Variants in TACC2 observed in about 807,000 individuals in gnomAD.
TACC2 encodes transforming acidic coiled-coil containing protein 2.
In TACC2, 137 loss-of-function variants were observed where a neutral mutation model predicts 227.3. That is an observed-to-expected ratio of 0.60 (90% confidence interval 0.52 to 0.69). The LOEUF is 0.69. Ranked by LOEUF, TACC2 falls within the 30% of genes least tolerant of loss-of-function variation. The pLI is 0.00. For synonymous variants in TACC2, 1,523 were observed against 1,487.5 expected (o/e 1.02, Z -0.55); for missense variants, 3,470 against 3,694.4 (o/e 0.94, Z 1.57).
rs777605657 is a variant in TACC2, at chr10:122,086,102, GT to G, written c.3603del (p.Ile1203PhefsTer51). On this transcript the variant is annotated frameshift_variant, in exon 4 of 23. Coordinates refer to ENST00000369005, the MANE Select transcript of TACC2 (RefSeq NM_206862.4). LOFTEE classifies it high-confidence loss of function. ...QDALLPARELGGIPRSTMDFS... is the reference protein window; with the variant it reads ...QDALLPARELXGIPRSTMDFS... The stretch of plus-strand genomic sequence containing the variant: ...GCCTTGCTGCCAGCCAGAGAGCTGG[GT>G]GGGATTCCCAGGAGCACCATGGATT... 1 of 1,613,648 alleles carries G rather than the reference GT, an allele frequency of 6.2e-7. No homozygotes were observed.
intron 7 of TACC2, among the ~76,000 whole-genome samples, chr10:122,174,663 T>C (rs1209140686): frequency 6.6e-6 from 1 of 152,190 alleles, no homozygotes; most frequent in Non-Finnish European, 1.5e-5. Flanking sequence ...AATTAATGTA[T>C]TACCTCCCCT....
chr10:122,250,599 G>C (rs1297963026), intron 22 of TACC2, among the ~76,000 whole-genome samples: 1 of 152,206 alleles, frequency 6.6e-6, no homozygotes, highest in African/African-American at 2.4e-5. Flanking sequence ...GGGCCAAGCA[G>C]TGGTGATCTC....
chr10:122,213,515 G>A, intron 9 of TACC2: 1 of 812,598 alleles, frequency 1.2e-6, no homozygotes, highest in Non-Finnish European at 2.1e-6. Flanking sequence ...GAATGATGGG[G>A]CATGGGGCTC....
At position 122,192,889 on chromosome 10, in the gene TACC2, G is replaced by T. The variant is rs1428975005; in HGVS notation, c.5835-2151G>T. On this transcript the variant is annotated intron_variant, in intron 7 of 22. Transcript: ENST00000369005. The stretch of plus-strand genomic sequence containing the variant: ...AAGCTGGGTTCCCGGGGCAGCACCC[G>T]GGGCAGCACCCAGGGCTCGCCAGGC... 7.3e-6 allele frequency: 3 copies of T among 410,704 alleles called. No homozygotes were observed. In the Admixed American group the frequency reaches 7.5e-5, roughly 10 times the overall value. The allele number at this position is 410,704 out of a possible 1,614,324, so 25.4% of individuals were successfully genotyped here. A position where few individuals can be genotyped will look rare whatever the true frequency, so the allele number is the denominator to read the frequency against.
chr10:122,078,886 A>G (rs979156765), intron 3 of TACC2: 7 of 152,236 alleles, frequency 4.6e-5, no homozygotes, highest in East Asian at 1.9e-4. Context: ...TGTGTGTCCC[A>G]TACTCCATGG....
rs2095414228 is a variant in TACC2, at chr10:122,216,746, A to G, written c.7464A>G (p.Leu2488=). 6.2e-7 allele frequency: 1 copy of G among 1,614,020 alleles called. No homozygotes were observed. Among genetic ancestry groups the G allele is most frequent in the African/African-American group, 1.3e-5 (1 of 74,908 alleles). Residue 2488 remains leucine (L), a synonymous_variant, in exon 11 of 23, where the codon CTA becomes CTG. Coordinates refer to ENST00000369005, the MANE Select transcript of TACC2 (RefSeq NM_206862.4). ...NQKWTCMTVD[L]EADKQDYPQP... Reference sequence around the variant, plus strand: ...AGTGGACGTGCATGACAGTGGACCTAGAGGCTGACAAACAGGACTACCCGC... The same window carrying G: ...AGTGGACGTGCATGACAGTGGACCTGGAGGCTGACAAACAGGACTACCCGC...
At chr10:122,108,442 C>CTTTTTT (rs34097153) in intron 5 of TACC2, among the ~76,000 whole-genome samples, 114 of 90,016 alleles carry the variant, frequency 1.3e-3, no homozygotes, top group Middle Eastern at 9.6e-3. Flanking sequence ...GTCATATTTT[C>CTTTTTT]TTTTTTTTTT....
chr10:122,028,309 C>CT (rs1441079502), intron 2 of TACC2, among the ~76,000 whole-genome samples: 1 of 151,818 alleles, frequency 6.6e-6, no homozygotes, highest in Non-Finnish European at 1.5e-5. Context: ...AGGCTGGTCT[C>CT]AAACTCCTGA....
intron 7 of TACC2, chr10:122,163,694 C>CGGCCACACTCGGGCGCGCGCT: frequency 9.1e-7 from 1 of 1,097,474 alleles, no homozygotes; most frequent in Non-Finnish European, 1.1e-6. Context: ...GGGCGCGCGC[C>CGGCCACACTCGGGCGCGCGCT]GGCCACACTC....
chr10:122,105,970 G>GTA (rs1433201968), intron 5 of TACC2, among the ~76,000 whole-genome samples: 1 of 141,356 alleles, frequency 7.1e-6, no homozygotes, highest in Admixed American at 7.5e-5. Flanking sequence ...GTGTGTGTGT[G>GTA]TATGTATATA....
intron 5 of TACC2, among the ~76,000 whole-genome samples, chr10:122,124,619 G>C (rs540294816): frequency 6.6e-6 from 1 of 152,194 alleles, no homozygotes; most frequent in Non-Finnish European, 1.5e-5. Flanking sequence ...GGCATATCAC[G>C]CTGTGTCCTC....
At chr10:122,192,567 C>T (rs191113816) in intron 7 of TACC2, 170 of 401,980 alleles carry the variant, frequency 4.2e-4, no homozygotes, top group African/African-American at 3.1e-3. Context: ...CATCTGTGGC[C>T]GGTGGTGCAG....
chr10:122,249,569 C>T lies in TACC2; in HGVS notation c.8686C>T (p.Arg2896Ter). 4 of 1,614,134 alleles carry T rather than the reference C, an allele frequency of 2.5e-6. No homozygotes were observed. Among genetic ancestry groups the T allele is most frequent in the Non-Finnish European group, 3.4e-6 (4 of 1,180,012 alleles). The change falls in exon 22 of 23, where the codon CGA (arginine) becomes TGA (stop). Residue 2896 changes from arginine to a stop codon, truncating the protein, a stop_gained. Coordinates refer to ENST00000369005, the MANE Select transcript of TACC2 (RefSeq NM_206862.4). LOFTEE classifies it high-confidence loss of function. ...GGCCAATGCTGAGATTGCTCAGGTT[C>T]GAGGCAAGGCCCAGCAGGAGCAAGC... Reference protein sequence around the residue: ...DRANAEIAQVRGKAQQEQAAH... With the variant: ...DRANAEIAQV
At chr10:122,132,040 G>GA (rs1371232690) in intron 5 of TACC2, among the ~76,000 whole-genome samples, 1 of 1,188 alleles carries the variant, frequency 8.4e-4, no homozygotes, top group South Asian at 0.071. Flanking sequence ...GAAAAAGAAA[G>GA]AAAGAAAGAA....
intron 5 of TACC2, among the ~76,000 whole-genome samples, chr10:122,119,697 A>C (rs573427538): frequency 5.5e-4 from 84 of 152,290 alleles, no homozygotes; most frequent in African/African-American, 1.9e-3. Flanking sequence ...GTGGATCACC[A>C]AAGGTCAGGA....
Position 122,085,109 on chromosome 10 carries a change from C to T in TACC2, c.2609C>T (p.Ala870Val). The change falls in exon 4 of 23, where the codon GCA becomes GTA. Residue 870 changes from alanine to valine, a missense_variant. Around this residue, in one of 10 missense-constraint regions of TACC2, gnomAD observed 1,924 missense variants for 1,978.3 expected, o/e 0.97. Coordinates refer to ENST00000369005, the MANE Select transcript of TACC2 (RefSeq NM_206862.4). ...CATCCAGGTTTTAAGGACCAGGGAG[C>T]AGATTCTTCCCAAATCCATGTACCT... ...PSHPGFKDQG[A>V]DSSQIHVPVE... The T allele has an allele frequency of 6.2e-7, 1 of 1,614,166 alleles. No individual in the cohort carries two copies. The highest frequency in any genetic ancestry group is 1.6e-4 in the Middle Eastern group (1 of 6,062).
At chr10:122,245,250 T>C (rs1474774844) in intron 19 of TACC2, among the ~76,000 whole-genome samples, 3 of 152,194 alleles carry the variant, frequency 2.0e-5, no homozygotes, top group Non-Finnish European at 2.9e-5. Context: ...TGTTGTTGAG[T>C]GTAGGGTGTC....
At chr10:122,224,815 G>A (rs1184217220) in intron 12 of TACC2, 28 bp downstream of exon 12, 3 of 1,600,620 alleles carry the variant, frequency 1.9e-6, no homozygotes, top group East Asian at 4.5e-5. Context: ...GGGCCACTTA[G>A]GGGACTCGCT....
chr10:122,234,023 A>T (rs2095810320), intron 16 of TACC2, among the ~76,000 whole-genome samples: 1 of 152,244 alleles, frequency 6.6e-6, no homozygotes, highest in Non-Finnish European at 1.5e-5. Context: ...GCCTTGGTCC[A>T]GGTGGCTGTC....
Sources: gnomAD v4.1 joint callset for allele counts (sites outside exome capture counted in the v4.1 genomes callset) on GRCh38, gnomAD v4.1.1 for gene constraint, gnomAD v4.1.1 regional missense constraint, MANE v1.5 for transcripts, NCBI Gene and HGNC (gene_info 2026-07-23, HGNC 2026-07-21) for gene names.